ZDHHC23: variants seen among roughly 807,000 people sequenced by gnomAD.
ZDHHC23 encodes palmitoyltransferase ZDHHC23.
Under a neutral mutation model 40.2 loss-of-function variants are expected in ZDHHC23, and 41 were observed. The observed-to-expected ratio is 1.02, with a 90% CI of 0.79 to 1.32. The LOEUF is 1.32. Among genes scored for constraint, ZDHHC23 ranks in the 40% most tolerant of loss-of-function variants. The probability of loss-of-function intolerance (pLI) is 0.00; values close to 1 mark genes in which losing one functional copy is unlikely to be tolerated. For synonymous variants in ZDHHC23, 204 were observed against 210.2 expected, an observed-to-expected ratio of 0.97 and a Z score of 0.26; for missense variants, 471 against 541.5, an observed-to-expected ratio of 0.87 and a Z score of 1.29.
At chr3:113,978,258 C>A in the ZDHHC23 span, 1 of 1,614,006 alleles carries the variant, frequency 6.2e-7, no homozygotes, top group Admixed American at 1.7e-5. Flanking sequence ...CATGTTAAAC[C>A]AGGCCCTGAA....
chr3:113,963,574 C>A (rs1249384878), downstream of ZDHHC23, among the ~76,000 whole-genome samples: 12 of 50,764 alleles, frequency 2.4e-4, no homozygotes, highest in African/African-American at 2.6e-4. Flanking sequence ...CCATCTCTAC[C>A]AAAAAAAAAA....
Position 113,958,370 on chromosome 3 carries a change from CTG to C in ZDHHC23, c.1050_1051del (p.Ser351LeufsTer31). 1 of 1,610,844 alleles carries C rather than the reference CTG, an allele frequency of 6.2e-7. No homozygotes were observed. The highest frequency in any genetic ancestry group is 8.5e-7 in the Non-Finnish European group (1 of 1,177,208). ...PGVYANYSSA[L>X]SFTCVWYSVI... Reference sequence around the variant, plus strand: ...CCTTTTTCCCTCTCCTAGCTCGGCTCTGTCCTTCACCTGCGTGTGGTACTCTG... The same window carrying C: ...CCTTTTTCCCTCTCCTAGCTCGGCTCTCCTTCACCTGCGTGTGGTACTCTG... On this transcript the variant is annotated frameshift_variant, in exon 5 of 5. Transcript: ENST00000638807. LOFTEE classifies it high-confidence loss of function.
chr3:113,973,966 A>T, the ZDHHC23 span, among the ~76,000 whole-genome samples: 1 of 149,324 alleles, frequency 6.7e-6, no homozygotes, highest in African/African-American at 2.5e-5. Context: ...GGCTGTCTTC[A>T]TTCCTTTTCT....
chr3:113,948,596 T>A (rs554822417), intron 1 of ZDHHC23, 90 bp from the exon 2 acceptor site: 110 of 562,560 alleles, frequency 2.0e-4, no homozygotes, highest in African/African-American at 1.7e-3. Flanking sequence ...CCAAGAACCC[T>A]GGAGCCCCCT....
In ZDHHC23 at chr3:113,956,449, G is replaced by C; in HGVS notation, c.983G>C (p.Arg328Thr). Residue 328 changes from arginine (R) to threonine (T), a missense_variant, in exon 4 of 5, where the codon AGA becomes ACA. Around this residue, in one of 3 missense-constraint regions of ZDHHC23, gnomAD observed 346 missense variants for 399.8 expected, o/e 0.87. Coordinates refer to ENST00000638807, the MANE Select transcript of ZDHHC23 (RefSeq NM_001320466.2). ...ACACTGACCTTGGACACCATTTGTA[G>C]AGACAGAAGTGTCTTCACAGCTCTT... ...GITLTLDTIC[R>T]DRSVFTALFY... The C allele has an allele frequency of 6.2e-7, 1 of 1,614,216 alleles. No individual in the cohort carries two copies.
chr3:113,950,547 T>G (rs564259740), intron 2 of ZDHHC23, among the ~76,000 whole-genome samples: 1 of 151,750 alleles, frequency 6.6e-6, no homozygotes, highest in African/African-American at 2.4e-5. Context: ...AGGTCTCACC[T>G]CTGAATACTA....
the ZDHHC23 span, among the ~76,000 whole-genome samples, chr3:113,977,561 T>C: frequency 6.6e-6 from 1 of 152,256 alleles, no homozygotes; most frequent in Non-Finnish European, 1.5e-5. Context: ...GCATATAGTA[T>C]GATTCCATGT....
intron 1 of ZDHHC23, chr3:113,948,431 G>C: frequency 8.9e-6 from 2 of 225,024 alleles, no homozygotes; most frequent in Non-Finnish European, 8.9e-6. Context: ...TTGGAGCGGA[G>C]ACCGCTCGGC....
At chr3:113,966,580 C>T (rs928371167), downstream of ZDHHC23, among the ~76,000 whole-genome samples, 7 of 152,100 alleles carry the variant, frequency 4.6e-5, no homozygotes, top group Admixed American at 1.3e-4. Context: ...GTAAAGGCAA[C>T]GAAGCGAGAA....
downstream of ZDHHC23, among the ~76,000 whole-genome samples, chr3:113,969,218 A>G (rs1253475788): frequency 2.0e-5 from 3 of 152,226 alleles, no homozygotes; most frequent in African/African-American, 7.2e-5. Flanking sequence ...AACATTGAGG[A>G]TCAGATTTCA....
At chr3:113,972,497 G>A in the ZDHHC23 span, among the ~76,000 whole-genome samples, 1 of 152,034 alleles carries the variant, frequency 6.6e-6, no homozygotes, top group African/African-American at 2.4e-5. Context: ...CCTAAGATAT[G>A]GTCTTATTAT....
downstream of ZDHHC23, chr3:113,965,081 G>A (rs1372046162): frequency 1.3e-6 from 1 of 796,782 alleles, no homozygotes; most frequent in Non-Finnish European, 2.0e-6. Context: ...ATGTATGTAT[G>A]TGTGTGGGTG....
intron 4 of ZDHHC23, among the ~76,000 whole-genome samples, chr3:113,957,068 A>G (rs1490309850): frequency 2.6e-5 from 4 of 152,160 alleles, no homozygotes; most frequent in Non-Finnish European, 5.9e-5. Context: ...ATGTAGGTCA[A>G]AATTTCCTTA....
the ZDHHC23 span, among the ~76,000 whole-genome samples, chr3:113,974,507 A>G: frequency 6.6e-6 from 1 of 151,834 alleles, no homozygotes; most frequent in African/African-American, 2.4e-5. Flanking sequence ...TTTAGTAGAG[A>G]GGGGGTTTCA....
intron 2 of ZDHHC23, among the ~76,000 whole-genome samples, chr3:113,951,181 C>T (rs1938622224): frequency 6.6e-6 from 1 of 152,118 alleles, no homozygotes; most frequent in Non-Finnish European, 1.5e-5. Context: ...TGACCCTGTC[C>T]CCACAGCTCC....
the ZDHHC23 span, among the ~76,000 whole-genome samples, chr3:113,971,409 G>A: frequency 1.3e-5 from 2 of 152,142 alleles, no homozygotes; most frequent in Non-Finnish European, 1.5e-5. Flanking sequence ...TTTATTGAAT[G>A]CCTTTTTGGA....
At chr3:113,958,309 G>GT in intron 4 of ZDHHC23, 54 bp from the exon 5 acceptor site, 5 of 1,504,958 alleles carry the variant, frequency 3.3e-6, no homozygotes, top group Non-Finnish European at 3.6e-6. Flanking sequence ...AATGATGACA[G>GT]TTTTCTGAAT....
chr3:113,970,160 A>G (rs926356514), downstream of ZDHHC23, among the ~76,000 whole-genome samples: 2 of 152,130 alleles, frequency 1.3e-5, no homozygotes, highest in South Asian at 2.1e-4. Context: ...CTGTTGGTGT[A>G]TATATTAATA....
chr3:113,951,141 A>G (rs77437122), intron 2 of ZDHHC23, among the ~76,000 whole-genome samples: 8,376 of 152,166 alleles, frequency 0.055, 400 homozygotes, highest in African/African-American at 0.12. Context: ...CTGGAGTTGT[A>G]TGCTTGTGGC....
Sources: gnomAD v4.1 joint callset for allele counts (sites outside exome capture counted in the v4.1 genomes callset) on GRCh38, gnomAD v4.1.1 for gene constraint, gnomAD v4.1.1 regional missense constraint, MANE v1.5 for transcripts, NCBI Gene and HGNC (gene_info 2026-07-23, HGNC 2026-07-21) for gene names.